ESCO2: variants seen among roughly 807,000 people sequenced by gnomAD.
ESCO2 encodes establishment of sister chromatid cohesion N-acetyltransferase 2, also known as N-acetyltransferase ESCO2.
Under a neutral mutation model 61.7 loss-of-function variants are expected in ESCO2, and 51 were observed. The observed-to-expected ratio is 0.83, with a 90% CI of 0.66 to 1.04. The LOEUF (loss-of-function observed/expected upper bound fraction) is 1.04. Ranked by LOEUF, ESCO2 falls within the 50% of genes least tolerant of loss-of-function variation. ESCO2 has a pLI of 0.00. For missense variants in ESCO2, 692 were observed against 686.2 expected (o/e 1.01, Z -0.09); for synonymous variants, 230 against 238.2 (o/e 0.97, Z 0.32).
chr8:27,812,226 G>GC (rs1191058938), downstream of ESCO2: 1 of 152,108 alleles, frequency 6.6e-6, no homozygotes, highest in Non-Finnish European at 1.5e-5. Flanking sequence ...TTTCTAGTTA[G>GC]CTGAGAGGTT....
downstream of ESCO2, chr8:27,808,244 C>T: frequency 8.1e-7 from 1 of 1,239,368 alleles, no homozygotes; most frequent in Non-Finnish European, 1.0e-6. Flanking sequence ...TCATCTTCAA[C>T]ATTTCTCAAG....
rs557813179 is a variant in ESCO2 at position 27,776,691 on chromosome 8, G to A, written c.383G>A (p.Gly128Glu). 3.4e-5 allele frequency: 55 copies of A among 1,613,618 alleles called. 1 individual carries two copies. The South Asian group carries it at 5.7e-4, about 17-fold the overall frequency. ...CCCATTGTGACAGAAAAAATGCAAG[G>A]AAAACCAGTCTGCTCCAAGAAGAAC... ...SFPIVTEKMQGKPVCSKKNNK... is the reference protein window; with the variant it reads ...SFPIVTEKMQEKPVCSKKNNK... The change falls in exon 3 of 11, where the codon GGA (glycine) becomes GAA (glutamate). Residue 128 changes from glycine (G) to glutamate (E), a missense_variant. Physicochemically the swap from Gly to Glu is moderately conservative, Grantham distance 98. Coordinates refer to ENST00000305188, the MANE Select transcript of ESCO2 (RefSeq NM_001017420.3).
intron 6 of ESCO2, 29 bp from the exon 7 acceptor site, chr8:27,788,818 G>T (rs1585400780): frequency 1.9e-6 from 3 of 1,613,482 alleles, no homozygotes; most frequent in East Asian, 4.5e-5. Context: ...ATATTTAAAT[G>T]GGTTTCTTTT....
rs112031297 is a variant in ESCO2 at position 27,776,818 on chromosome 8, G to A, written c.510G>A (p.Val170=). ...RNSRNSKQNR[V]IYKPIVEKEN... Reference sequence around the variant, plus strand: ...CTAGAAATTCCAAGCAAAATCGAGTGATCTATAAGCCAATTGTGGAGAAGG... The same window carrying A: ...CTAGAAATTCCAAGCAAAATCGAGTAATCTATAAGCCAATTGTGGAGAAGG... Residue 170 remains valine, a synonymous_variant, in exon 3 of 11, where the codon GTG becomes GTA. Transcript: ENST00000305188. The A allele has an allele frequency of 1.8e-3, 2,872 of 1,614,102 alleles. 42 individuals carry two copies. The African/African-American group carries it at 0.032, about 18-fold the overall frequency.
chr8:27,774,976 C>T (rs1267463421), intron 1 of ESCO2: 3 of 158,512 alleles, frequency 1.9e-5, no homozygotes, highest in African/African-American at 7.2e-5. Flanking sequence ...TTTGTTCATT[C>T]ATTAATAGCT....
intron 2 of ESCO2, 122 bp downstream of exon 2, chr8:27,775,689 A>T: frequency 1.2e-6 from 1 of 823,698 alleles, no homozygotes; most frequent in Non-Finnish European, 2.1e-6. Context: ...TACAGTGATA[A>T]CCTGATAACC....
At chr8:27,794,227 A>G (rs944619901) in intron 9 of ESCO2, among the ~76,000 whole-genome samples, 5 of 152,226 alleles carry the variant, frequency 3.3e-5, no homozygotes, top group Non-Finnish European at 5.9e-5. Context: ...CAACATACTG[A>G]TTTCAGTTCC....
At chr8:27,773,488 G>A (rs1414224223), upstream of ESCO2, among the ~76,000 whole-genome samples, 1 of 151,498 alleles carries the variant, frequency 6.6e-6, no homozygotes, top group Non-Finnish European at 1.5e-5. Flanking sequence ...GAGGGGGGTT[G>A]GAATCTTCTG....
chr8:27,780,361 T>G, intron 4 of ESCO2, 94 bp downstream of exon 4: 1 of 862,462 alleles, frequency 1.2e-6, no homozygotes, highest in South Asian at 1.5e-5. Flanking sequence ...GGGTCTTTCT[T>G]TTTTCAGTAG....
At chr8:27,777,459 C>T (rs1200975828) in intron 3 of ESCO2, 3 of 220,952 alleles carry the variant, frequency 1.4e-5, no homozygotes, top group South Asian at 1.4e-4. Context: ...CCACCTCACC[C>T]GGCTAATTCT....
the ESCO2 span, among the ~76,000 whole-genome samples, chr8:27,818,120 AG>A: frequency 6.6e-6 from 1 of 152,192 alleles, no homozygotes; most frequent in Non-Finnish European, 1.5e-5. Flanking sequence ...TAAGTCCTAA[AG>A]GGAGAATGAC....
At chr8:27,805,788 C>CT (rs1315799081), downstream of ESCO2, among the ~76,000 whole-genome samples, 3 of 151,966 alleles carry the variant, frequency 2.0e-5, no homozygotes, top group East Asian at 1.9e-4. Flanking sequence ...TTTTTGTATT[C>CT]TTTTTTTAGT....
chr8:27,792,880 T>G, intron 9 of ESCO2, 69 bp downstream of exon 9: 1 of 1,487,464 alleles, frequency 6.7e-7, no homozygotes, highest in African/African-American at 1.4e-5. Flanking sequence ...GGGAGAAGTC[T>G]CAGCATTTAA....
chr8:27,802,701 G>A (rs1488551309), intron 10 of ESCO2, among the ~76,000 whole-genome samples: 1 of 118,724 alleles, frequency 8.4e-6, no homozygotes, highest in East Asian at 2.3e-4. Context: ...GATTTTTTTT[G>A]GTTCTAATTA....
chr8:27,778,903 G>A (rs1804860804), intron 3 of ESCO2: 1 of 152,212 alleles, frequency 6.6e-6, no homozygotes, highest in South Asian at 2.1e-4. Context: ...TGCTAGCTAA[G>A]GGCGAATCTG....
chr8:27,805,723 G>C (rs1462727589), downstream of ESCO2, among the ~76,000 whole-genome samples: 2 of 152,018 alleles, frequency 1.3e-5, no homozygotes, highest in East Asian at 3.9e-4. Flanking sequence ...TGATCTTCCC[G>C]CCTGAGCTCC....
At chr8:27,772,676 A>G (rs1202520585), upstream of ESCO2, 1 of 797,376 alleles carries the variant, frequency 1.3e-6, no homozygotes, top group East Asian at 2.8e-5. Context: ...GGGGCGCGTC[A>G]TAACGCCGGC....
rs141275859 is a variant in ESCO2, at chr8:27,775,670, C to T, written c.53+103C>T. 1,143 of 1,004,638 alleles carry T rather than the reference C, an allele frequency of 1.1e-3. 9 individuals are homozygous for T. The African/African-American group carries it at 0.016, about 14-fold the overall frequency. 62.2% of individuals were successfully genotyped at this position (1,004,638 alleles called of 1,614,324 possible). ...ATTTTCGTTCTTCCACTAGCCTACT[C>T]CTTGTGGCTACAGTGATAACCTGAT... On this transcript the variant is annotated intron_variant, in intron 2 of 10. Transcript: ENST00000305188.
downstream of ESCO2, among the ~76,000 whole-genome samples, chr8:27,809,395 C>T (rs746573915): frequency 1.3e-5 from 2 of 152,054 alleles, no homozygotes; most frequent in Non-Finnish European, 2.9e-5. Flanking sequence ...CGCCCTGTGT[C>T]GGTAATTTTT....
Sources: gnomAD v4.1 joint callset for allele counts (sites outside exome capture counted in the v4.1 genomes callset) on GRCh38, gnomAD v4.1.1 for gene constraint, MANE v1.5 for transcripts, NCBI Gene and HGNC (gene_info 2026-07-23, HGNC 2026-07-21) for gene names.